VTI1A: variants seen among roughly 807,000 people sequenced by gnomAD.
VTI1A encodes vesicle transport through interaction with t-SNAREs 1A.
Under a neutral mutation model 34.9 loss-of-function variants are expected in VTI1A, and 22 were observed. The observed-to-expected ratio is 0.63, with a 90% CI of 0.45 to 0.90. The LOEUF (loss-of-function observed/expected upper bound fraction) is 0.90. Among genes scored for constraint, VTI1A ranks in the 40% least tolerant of loss-of-function variants. The pLI is 0.00. For synonymous variants in VTI1A, 87 were observed against 97.3 expected, an observed-to-expected ratio of 0.89 and a Z score of 0.62; for missense variants, 268 against 275.6, an observed-to-expected ratio of 0.97 and a Z score of 0.20.
chr10:112,625,763 A>G (rs1334690617), intron 5 of VTI1A, among the ~76,000 whole-genome samples: 1 of 152,110 alleles, frequency 6.6e-6, no homozygotes, highest in Non-Finnish European at 1.5e-5. Context: ...AAAGGGTGGG[A>G]AGGGGATGAG....
intron 3 of VTI1A, among the ~76,000 whole-genome samples, chr10:112,495,757 A>G (rs1346454043): frequency 1.3e-5 from 2 of 152,206 alleles, no homozygotes; most frequent in African/African-American, 4.8e-5. Flanking sequence ...AGAGTTCTCG[A>G]CCAAGCTCGC....
At chr10:112,464,454 G>T in intron 2 of VTI1A, 93 bp from the exon 3 acceptor site, 1 of 1,123,518 alleles carries the variant, frequency 8.9e-7, no homozygotes, top group Non-Finnish European at 1.3e-6. Flanking sequence ...ACTACAAAAT[G>T]AGGAACTGGA....
At chr10:112,798,183 C>T (rs1852743791) in intron 7 of VTI1A, among the ~76,000 whole-genome samples, 1 of 152,134 alleles carries the variant, frequency 6.6e-6, no homozygotes, top group Non-Finnish European at 1.5e-5. Context: ...GCAGGTGGGA[C>T]CCTCAGGGGG....
At chr10:112,571,842 C>T (rs897656566) in intron 5 of VTI1A, among the ~76,000 whole-genome samples, 4 of 152,130 alleles carry the variant, frequency 2.6e-5, no homozygotes, top group Admixed American at 6.5e-5. Flanking sequence ...TTTGCAGGAA[C>T]GTGGATGAAG....
chr10:112,526,041 A>G (rs979622616), intron 3 of VTI1A, among the ~76,000 whole-genome samples: 5 of 152,212 alleles, frequency 3.3e-5, no homozygotes, highest in Admixed American at 2.0e-4. Flanking sequence ...ACTGTTTTCC[A>G]GCTGCCATTT....
chr10:112,482,053 A>G (rs757736916), intron 3 of VTI1A, among the ~76,000 whole-genome samples: 2 of 152,214 alleles, frequency 1.3e-5, no homozygotes, highest in Admixed American at 6.5e-5. Context: ...TAGAATTTTT[A>G]ATTAGGAAAT....
chr10:112,610,297 G>A (rs1290136900), intron 5 of VTI1A, among the ~76,000 whole-genome samples: 2 of 151,852 alleles, frequency 1.3e-5, no homozygotes, highest in Admixed American at 6.6e-5. Flanking sequence ...AGCCAATGAT[G>A]AGCTGTTGTT....
chr10:112,477,874 C>G (rs1314321567), intron 3 of VTI1A, among the ~76,000 whole-genome samples: 1 of 152,110 alleles, frequency 6.6e-6, no homozygotes, highest in South Asian at 2.1e-4. Context: ...TTTCTACAAA[C>G]CTAGTCTACA....
At chr10:112,525,193 A>G (rs1298316627) in intron 3 of VTI1A, among the ~76,000 whole-genome samples, 1 of 152,104 alleles carries the variant, frequency 6.6e-6, no homozygotes, top group Non-Finnish European at 1.5e-5. Context: ...AGATATCTTT[A>G]CTGACTTCAT....
rs146879143 is a variant in VTI1A, at chr10:112,729,916, G to T, written c.560+60918G>T. On this transcript the variant is annotated intron_variant, in intron 7 of 7. Coordinates refer to ENST00000393077, the MANE Select transcript of VTI1A (RefSeq NM_145206.4). ...GTTCTACCAGCCCTCTTTGTGCGTA[G>T]CAAACCTGATACTCCCCAGAAAGTT... is the stretch of plus-strand genomic sequence containing the variant. Among the ~76,000 whole-genome samples, 129 of 152,318 alleles carry T rather than the reference G, an allele frequency of 8.5e-4. 1 individual carries two copies. The highest frequency in any genetic ancestry group is 3.1e-3 in the African/African-American group (128 of 41,554).
At chr10:112,806,411 G>A (rs1315703476) in intron 7 of VTI1A, among the ~76,000 whole-genome samples, 4 of 151,408 alleles carry the variant, frequency 2.6e-5, no homozygotes, top group South Asian at 2.1e-4. Flanking sequence ...TCAGACTCCC[G>A]AGGAGCTGGG....
At chr10:112,827,729 C>T in the VTI1A span, 2 of 152,144 alleles carry the variant, frequency 1.3e-5, no homozygotes, top group East Asian at 3.8e-4. Flanking sequence ...ATTCTAAAGT[C>T]GGCTATTCCC....
chr10:112,507,578 A>G (rs960129003), intron 3 of VTI1A, among the ~76,000 whole-genome samples: 86 of 152,114 alleles, frequency 5.7e-4, no homozygotes, highest in Non-Finnish European at 1.3e-4. Context: ...AACCTATACT[A>G]TACCCAAGAT....
At chr10:112,822,919 A>T (rs1193625386), downstream of VTI1A, among the ~76,000 whole-genome samples, 2 of 152,204 alleles carry the variant, frequency 1.3e-5, no homozygotes, top group Non-Finnish European at 2.9e-5. Flanking sequence ...GAAAAGAAAG[A>T]AGGTAGTCTC....
chr10:112,778,101 T>C (rs1316183763), intron 7 of VTI1A, among the ~76,000 whole-genome samples: 3 of 150,840 alleles, frequency 2.0e-5, no homozygotes, highest in Non-Finnish European at 2.9e-5. Context: ...AAACTCCATC[T>C]CAAAAAAAGG....
chr10:112,844,954 C>T, the VTI1A span, among the ~76,000 whole-genome samples: 1 of 152,170 alleles, frequency 6.6e-6, no homozygotes, highest in Non-Finnish European at 1.5e-5. Flanking sequence ...TTTGGAGTTC[C>T]ATCTTGGGGA....
intron 1 of VTI1A, among the ~76,000 whole-genome samples, chr10:112,456,690 C>T (rs1362559041): frequency 6.6e-6 from 1 of 152,190 alleles, no homozygotes; most frequent in Non-Finnish European, 1.5e-5. Flanking sequence ...ACTACTTAAA[C>T]CCCCTTATTC....
chr10:112,660,742 T>G (rs1249154289), intron 5 of VTI1A, among the ~76,000 whole-genome samples: 1 of 152,188 alleles, frequency 6.6e-6, no homozygotes, highest in Admixed American at 6.5e-5. Context: ...CTGTGTAATA[T>G]TGCAGAAAGA....
chr10:112,452,750 T>C (rs1004069810), intron 1 of VTI1A, among the ~76,000 whole-genome samples: 1 of 151,532 alleles, frequency 6.6e-6, no homozygotes, highest in African/African-American at 2.4e-5. Flanking sequence ...TTTTTTTTTT[T>C]AAATAAACTT....
Sources: allele counts gnomAD v4.1 joint callset (sites outside exome capture counted in the v4.1 genomes callset), GRCh38; gene constraint gnomAD v4.1.1; transcripts MANE v1.5; gene names NCBI Gene and HGNC (gene_info 2026-07-23, HGNC 2026-07-21).